FGF2: variants seen among roughly 807,000 people sequenced by gnomAD.
FGF2 encodes fibroblast growth factor 2.
A neutral mutation model predicts 15.9 loss-of-function variants in FGF2; 13 were observed. The ratio of observed to expected loss-of-function variants is 0.82; its 90% CI spans 0.53 to 1.30. The LOEUF is 1.30. FGF2 is among the 50% of genes most tolerant of loss of function. The probability of loss-of-function intolerance (pLI) is 0.00; values close to 1 mark genes in which losing one functional copy is unlikely to be tolerated. For missense variants in FGF2, 163 were observed against 196.9 expected (o/e 0.83, Z 1.03); for synonymous variants, 90 against 78.4 (o/e 1.15, Z -0.78).
chr4:122,845,235 T>G (rs1026917153), intron 1 of FGF2, among the ~76,000 whole-genome samples: 4 of 152,220 alleles, frequency 2.6e-5, no homozygotes, highest in African/African-American at 9.6e-5. Context: ...TAAACCACGA[T>G]GTAAACAGAT....
intron 1 of FGF2, among the ~76,000 whole-genome samples, chr4:122,844,777 C>T (rs560174856): frequency 9.2e-5 from 14 of 151,950 alleles, no homozygotes; most frequent in Non-Finnish European, 7.4e-5. Flanking sequence ...GCTGAGACTA[C>T]AGGTATGCAC....
At chr4:122,845,805 A>G (rs922937454) in intron 1 of FGF2, among the ~76,000 whole-genome samples, 4 of 152,210 alleles carry the variant, frequency 2.6e-5, no homozygotes, top group Admixed American at 2.0e-4. Flanking sequence ...AACTTTCTCC[A>G]TATCAGCAAT....
chr4:122,867,751 A>T (rs1341558352), intron 1 of FGF2, among the ~76,000 whole-genome samples: 1 of 152,166 alleles, frequency 6.6e-6, no homozygotes, highest in Non-Finnish European at 1.5e-5. Context: ...TTAAATCACG[A>T]TTGGTAATGC....
chr4:122,833,804 T>C (rs998835067), intron 1 of FGF2, among the ~76,000 whole-genome samples: 2 of 152,244 alleles, frequency 1.3e-5, no homozygotes, highest in African/African-American at 4.8e-5. Context: ...GGTCAATCTT[T>C]AAATGAAGAT....
intron 2 of FGF2, chr4:122,888,686 C>A (rs1727106617): frequency 6.6e-6 from 1 of 152,240 alleles, no homozygotes; most frequent in Non-Finnish European, 1.5e-5. Flanking sequence ...ACGCCTTCAT[C>A]TCCTTCAAGC....
chr4:122,850,329 T>C (rs1178158250), intron 1 of FGF2, among the ~76,000 whole-genome samples: 2 of 152,312 alleles, frequency 1.3e-5, no homozygotes, highest in East Asian at 3.9e-4. Flanking sequence ...TATATTTGTT[T>C]CTGGTCTTGG....
intron 1 of FGF2, among the ~76,000 whole-genome samples, chr4:122,864,121 T>C (rs1009876602): frequency 6.6e-6 from 1 of 152,198 alleles, no homozygotes; most frequent in African/African-American, 2.4e-5. Flanking sequence ...GCCAAGTTGA[T>C]ACATTAAAAA....
intron 1 of FGF2, among the ~76,000 whole-genome samples, chr4:122,874,075 G>A (rs2150782936): frequency 6.6e-6 from 1 of 152,338 alleles, no homozygotes; most frequent in South Asian, 2.1e-4. Context: ...AGCGTTGATT[G>A]ATAAGGGACA....
intron 1 of FGF2, among the ~76,000 whole-genome samples, chr4:122,837,414 T>C (rs996224952): frequency 3.3e-5 from 5 of 152,222 alleles, no homozygotes; most frequent in East Asian, 3.8e-4. Context: ...AAAATTACTT[T>C]TGGAAACATA....
chr4:122,839,826 C>G (rs1326755811), intron 1 of FGF2, among the ~76,000 whole-genome samples: 2 of 152,194 alleles, frequency 1.3e-5, no homozygotes, highest in Non-Finnish European at 2.9e-5. Flanking sequence ...GCTGCCATAA[C>G]AAACATACCA....
chr4:122,834,163 A>G (rs537519601), intron 1 of FGF2, among the ~76,000 whole-genome samples: 1 of 152,296 alleles, frequency 6.6e-6, no homozygotes, highest in Admixed American at 6.5e-5. Context: ...ATTGATTCCC[A>G]AGTTACCACC....
At chr4:122,849,676 G>A (rs971516172) in intron 1 of FGF2, among the ~76,000 whole-genome samples, 1 of 152,110 alleles carries the variant, frequency 6.6e-6, no homozygotes, top group African/African-American at 2.4e-5. Context: ...TACATTTTAA[G>A]GTATAGGAAC....
At chr4:122,870,722 CTTT>C (rs1459578562) in intron 1 of FGF2, among the ~76,000 whole-genome samples, 5 of 151,944 alleles carry the variant, frequency 3.3e-5, no homozygotes, top group African/African-American at 7.3e-5. Context: ...CTCTTTTCTT[CTTT>C]ATTAGTCTAC....
chr4:122,838,827 C>G (rs115643121), intron 1 of FGF2, among the ~76,000 whole-genome samples: 4,030 of 152,232 alleles, frequency 0.026, 87 homozygotes, highest in African/African-American at 0.058. Context: ...GTGGCATATA[C>G]AAAAATAGCG....
At chr4:122,832,321 A>G (rs984424362) in intron 1 of FGF2, among the ~76,000 whole-genome samples, 10 of 152,198 alleles carry the variant, frequency 6.6e-5, no homozygotes, top group African/African-American at 1.7e-4. Flanking sequence ...CAGTGGCACA[A>G]TCTCAGCTCA....
At chr4:122,866,333 A>G (rs1178376069) in intron 1 of FGF2, among the ~76,000 whole-genome samples, 1 of 150,846 alleles carries the variant, frequency 6.6e-6, no homozygotes, top group Non-Finnish European at 1.5e-5. Context: ...GCGCCACTGC[A>G]CTCCCGCCTG....
At chr4:122,836,989 A>G (rs1725879646) in intron 1 of FGF2, among the ~76,000 whole-genome samples, 1 of 152,192 alleles carries the variant, frequency 6.6e-6, no homozygotes, top group Non-Finnish European at 1.5e-5. Context: ...TACCTGATTC[A>G]GACACTTCAA....
At chr4:122,877,485 T>C (rs931462656) in intron 2 of FGF2, among the ~76,000 whole-genome samples, 9 of 152,196 alleles carry the variant, frequency 5.9e-5, no homozygotes, top group African/African-American at 1.7e-4. Flanking sequence ...TAGTATTCTT[T>C]CCACTAGTAC....
Position 122,827,098 on chromosome 4 carries a change from G to T in FGF2, c.-77G>T. 8.2e-7 allele frequency: 1 copy of T among 1,212,696 alleles called. No homozygotes were observed. Among genetic ancestry groups the T allele is most frequent in the South Asian group, 3.5e-5 (1 of 28,484 alleles). 75.1% of individuals were successfully genotyped at this position (1,212,696 alleles called of 1,614,324 possible). On this transcript the variant is annotated 5_prime_UTR_variant, in exon 1 of 3. Transcript: ENST00000644866. This position sits in a 1 kb window ranked among gnomAD's most constrained non-coding sequence, Gnocchi z 4.2. ...CGTGCCCCGGAGCGGGTCGGAGGCC[G>T]GGGCCGGGGCCGGGGGACGGCGGCT...
Sources: allele counts gnomAD v4.1 joint callset (sites outside exome capture counted in the v4.1 genomes callset), GRCh38; gene constraint gnomAD v4.1.1; non-coding constraint Gnocchi (gnomAD v3.1); transcripts MANE v1.5; gene names NCBI Gene and HGNC (gene_info 2026-07-23, HGNC 2026-07-21).